The following KATNAL2 variants were observed in gnomAD, a reference collection of about 807,000 sequenced individuals.
KATNAL2 encodes the protein katanin catalytic subunit A1 like 2.
Under a neutral mutation model 76.3 loss-of-function variants are expected in KATNAL2, and 52 were observed. The ratio of observed to expected loss-of-function variants is 0.68; its 90% CI spans 0.55 to 0.86. The LOEUF (loss-of-function observed/expected upper bound fraction) is 0.86. Ranked by LOEUF, KATNAL2 falls within the 40% of genes least tolerant of loss-of-function variation. The pLI is 0.00. For missense variants in KATNAL2, 660 were observed against 668.9 expected, an observed-to-expected ratio of 0.99 and a Z score of 0.15; for synonymous variants, 243 against 244.2, an observed-to-expected ratio of 1.00 and a Z score of 0.05.
rs182294229 is a variant in KATNAL2 at position 46,930,496 on chromosome 18, T to C, written c.-510+12570T>C. Among the ~76,000 whole-genome samples, 298 of 152,176 alleles carry C rather than the reference T, an allele frequency of 2.0e-3. 2 individuals carry two copies. The Middle Eastern group carries it at 0.031, about 16-fold the overall frequency. The stretch of plus-strand genomic sequence containing the variant: ...AAGATAAATCTGCTTTTAGAGGGAA[T>C]TTATGTCCAGTGAATGAAGTTAGAA... On this transcript the variant is annotated intron_variant, in intron 1 of 17. Transcript: ENST00000683218.
At chr18:47,031,376 G>A (rs1461148206) in intron 3 of KATNAL2, among the ~76,000 whole-genome samples, 2 of 151,388 alleles carry the variant, frequency 1.3e-5, no homozygotes, top group African/African-American at 2.4e-5. Context: ...GCAGTTTCGC[G>A]TAATTTTTAA....
chr18:47,075,897 G>A (rs1373932606), intron 14 of KATNAL2, among the ~76,000 whole-genome samples: 1 of 152,224 alleles, frequency 6.6e-6, no homozygotes, highest in East Asian at 1.9e-4. Flanking sequence ...TATCTCTAAA[G>A]ATTGTCACTG....
chr18:47,065,880 G>A (rs2061775656), intron 10 of KATNAL2, among the ~76,000 whole-genome samples: 1 of 152,078 alleles, frequency 6.6e-6, no homozygotes, highest in African/African-American at 2.4e-5. Context: ...TGGGAGGATT[G>A]CTTGAGCCCG....
intron 1 of KATNAL2, among the ~76,000 whole-genome samples, chr18:46,919,768 A>T (rs542478203): frequency 6.6e-6 from 1 of 152,366 alleles, no homozygotes; most frequent in Non-Finnish European, 1.5e-5. Context: ...GAATAAAGGA[A>T]TGAATGAACA....
intron 1 of KATNAL2, among the ~76,000 whole-genome samples, chr18:46,939,663 A>G (rs146362374): frequency 1.7e-3 from 265 of 152,326 alleles, no homozygotes; most frequent in Non-Finnish European, 3.2e-3. Context: ...ATTGAGAGAA[A>G]AGTCCATCCA....
intron 15 of KATNAL2, among the ~76,000 whole-genome samples, chr18:47,096,924 GCT>G (rs1447833090): frequency 2.0e-5 from 3 of 152,006 alleles, no homozygotes; most frequent in Admixed American, 2.0e-4. Flanking sequence ...GACTGCTTGA[GCT>G]CAGTAGTTCA....
At chr18:46,938,579 CT>C (rs2146607602) in intron 1 of KATNAL2, among the ~76,000 whole-genome samples, 1 of 152,298 alleles carries the variant, frequency 6.6e-6, no homozygotes, top group Admixed American at 6.5e-5. Flanking sequence ...AATACTTCCA[CT>C]GCTACTGCCA....
chr18:47,032,429 G>A (rs777221591), intron 3 of KATNAL2: 1 of 165,788 alleles, frequency 6.0e-6, no homozygotes, highest in Admixed American at 5.6e-5. Flanking sequence ...GATATCTTTT[G>A]CAGAGACGGG....
At chr18:47,096,929 G>A (rs999976304) in intron 15 of KATNAL2, among the ~76,000 whole-genome samples, 9 of 151,974 alleles carry the variant, frequency 5.9e-5, no homozygotes, top group Non-Finnish European at 8.8e-5. Context: ...CTTGAGCTCA[G>A]TAGTTCAAGA....
intron 15 of KATNAL2, among the ~76,000 whole-genome samples, chr18:47,079,387 G>A (rs374227930): frequency 4.0e-5 from 6 of 151,534 alleles, no homozygotes; most frequent in East Asian, 1.9e-4. Context: ...TAGAACAGAC[G>A]GCCTCTTTTT....
intron 5 of KATNAL2, 30 bp downstream of exon 5, chr18:47,053,076 T>A (rs1353244239): frequency 1.3e-6 from 2 of 1,516,226 alleles, no homozygotes; most frequent in Non-Finnish European, 1.8e-6. Flanking sequence ...AGATAAGGCT[T>A]TGTCTCATCT....
At chr18:46,922,101 CTTT>C (rs10714256) in intron 1 of KATNAL2, among the ~76,000 whole-genome samples, 10 of 140,850 alleles carry the variant, frequency 7.1e-5, no homozygotes, top group East Asian at 2.1e-4. Flanking sequence ...TTTTTCCTCA[CTTT>C]TTTTTTTTTT....
intron 3 of KATNAL2, among the ~76,000 whole-genome samples, chr18:47,045,958 C>T (rs1327096218): frequency 6.6e-6 from 1 of 152,194 alleles, no homozygotes; most frequent in Non-Finnish European, 1.5e-5. Context: ...TATTCTAAAT[C>T]CTTGCCTGTG....
chr18:46,931,961 G>A (rs1266523489), intron 1 of KATNAL2, among the ~76,000 whole-genome samples: 1 of 149,376 alleles, frequency 6.7e-6, no homozygotes, highest in African/African-American at 2.5e-5. Context: ...TTGCCAGGCT[G>A]GAGTGCACTG....
At chr18:47,086,237 CATT>C (rs1429044349) in intron 15 of KATNAL2, among the ~76,000 whole-genome samples, 1 of 152,168 alleles carries the variant, frequency 6.6e-6, no homozygotes, top group Non-Finnish European at 1.5e-5. Context: ...TTTTGGAAGA[CATT>C]AGTTTGTATT....
At position 47,035,445 on chromosome 18, in the gene KATNAL2, A is replaced by T. The variant is rs1381691953; in HGVS notation, c.52-11012A>T. On this transcript the variant is annotated intron_variant, in intron 3 of 17. Transcript: ENST00000683218. Reference sequence around the variant, plus strand: ...GGAGCAGCAGGCCACTTGGTCTGGAACGGCCGTCCTTGCAGACAGCTGAGC... The same window carrying T: ...GGAGCAGCAGGCCACTTGGTCTGGATCGGCCGTCCTTGCAGACAGCTGAGC... 5.9e-6 allele frequency: 8 copies of T among 1,346,892 alleles called. No homozygotes were observed. In the East Asian group the frequency reaches 1.8e-4, roughly 30 times the overall value. 83.4% of individuals were successfully genotyped at this position (1,346,892 alleles called of 1,614,324 possible).
At position 47,101,022 on chromosome 18, in the gene KATNAL2, A is replaced by T. The variant is rs1359854837; in HGVS notation, c.*17A>T. Reference sequence around the variant, plus strand: ...TCTGTCTGAAACCACATTTACCCTGACCTGGCCACAAAGGCAACCACAAAG... The same window carrying T: ...TCTGTCTGAAACCACATTTACCCTGTCCTGGCCACAAAGGCAACCACAAAG... On this transcript the variant is annotated 3_prime_UTR_variant, in exon 18 of 18. Transcript: ENST00000683218. The T allele has an allele frequency of 6.2e-7, 1 of 1,613,282 alleles. No homozygotes were observed. Among genetic ancestry groups the T allele is most frequent in the Admixed American group, 1.7e-5 (1 of 59,982 alleles).
chr18:46,940,884 G>T (rs1255125400), intron 1 of KATNAL2, among the ~76,000 whole-genome samples: 1 of 152,064 alleles, frequency 6.6e-6, no homozygotes, highest in East Asian at 1.9e-4. Flanking sequence ...AATTACCTGT[G>T]TATGGTGGCA....
intron 3 of KATNAL2, chr18:47,032,658 A>G (rs1000954362): frequency 1.9e-5 from 7 of 362,536 alleles, no homozygotes; most frequent in Non-Finnish European, 3.0e-5. Flanking sequence ...TATCTACTTG[A>G]TTTCGAAAAA....
Sources: gnomAD v4.1 joint callset for allele counts (sites outside exome capture counted in the v4.1 genomes callset) on GRCh38, gnomAD v4.1.1 for gene constraint, MANE v1.5 for transcripts, NCBI Gene and HGNC (gene_info 2026-07-23, HGNC 2026-07-21) for gene names.